PIK3C2G: variants seen among roughly 807,000 people sequenced by gnomAD.
PIK3C2G encodes the protein phosphatidylinositol-4-phosphate 3-kinase catalytic subunit type 2 gamma, also known as phosphatidylinositol 3-kinase C2 domain-containing subunit gamma.
Under a neutral mutation model 181.1 loss-of-function variants are expected in PIK3C2G, and 168 were observed. The observed-to-expected ratio is 0.93, with a 90% CI of 0.82 to 1.05. The LOEUF is 1.05. PIK3C2G is among the 50% of genes least tolerant of loss of function. PIK3C2G has a pLI of 0.00. For synonymous variants in PIK3C2G, 573 were observed against 592.2 expected (o/e 0.97, Z 0.47); for missense variants, 1,869 against 1,732.8 (o/e 1.08, Z -1.40).
intron 11 of PIK3C2G, among the ~76,000 whole-genome samples, chr12:18,349,668 A>G (rs1394814581): frequency 1.3e-5 from 2 of 152,120 alleles, no homozygotes; most frequent in East Asian, 3.9e-4. Context: ...TATCCTCTCT[A>G]TAGATTGAAA....
chr12:18,559,875 C>T (rs2136323849), intron 26 of PIK3C2G, among the ~76,000 whole-genome samples: 1 of 119,972 alleles, frequency 8.3e-6, no homozygotes, highest in Middle Eastern at 5.1e-3. Flanking sequence ...GACAGTTTTG[C>T]TCTTGTTGCC....
At chr12:18,694,868 TATA>T in the PIK3C2G span, 1 of 1,447,314 alleles carries the variant, frequency 6.9e-7, no homozygotes, top group South Asian at 1.2e-5. Flanking sequence ...ATCTAGTTTA[TATA>T]ATAACCAAAA....
At chr12:18,699,307 T>C in the PIK3C2G span, among the ~76,000 whole-genome samples, 2 of 152,186 alleles carry the variant, frequency 1.3e-5, no homozygotes, top group Non-Finnish European at 2.9e-5. Context: ...TCATCCTGTC[T>C]CCACTCTCAC....
chr12:18,671,638 A>C, the PIK3C2G span, among the ~76,000 whole-genome samples: 11 of 152,192 alleles, frequency 7.2e-5, no homozygotes, highest in Non-Finnish European at 1.5e-4. Context: ...AGTGGCTACT[A>C]TATTGGATAT....
chr12:18,287,427 C>T (rs914696931), intron 3 of PIK3C2G, among the ~76,000 whole-genome samples: 1 of 152,134 alleles, frequency 6.6e-6, no homozygotes, highest in African/African-American at 2.4e-5. Context: ...AAAAAAATCA[C>T]TGATATTTTG....
At chr12:18,340,282 G>C (rs1467748190) in intron 9 of PIK3C2G, among the ~76,000 whole-genome samples, 1 of 149,916 alleles carries the variant, frequency 6.7e-6, no homozygotes, top group African/African-American at 2.5e-5. Context: ...ATAGCTGATA[G>C]GCTAAAAAAA....
chr12:18,535,263 G>GT (rs1294488060), intron 24 of PIK3C2G, among the ~76,000 whole-genome samples: 1 of 151,850 alleles, frequency 6.6e-6, no homozygotes, highest in Non-Finnish European at 1.5e-5. Flanking sequence ...TAATTCTGAG[G>GT]TTTAAAAAAA....
At chr12:18,659,560 C>A in the PIK3C2G span, among the ~76,000 whole-genome samples, 1 of 151,806 alleles carries the variant, frequency 6.6e-6, no homozygotes, top group Non-Finnish European at 1.5e-5. Context: ...TCAATTGTCT[C>A]AATAATGTAT....
intron 18 of PIK3C2G, among the ~76,000 whole-genome samples, chr12:18,434,302 G>A (rs776366675): frequency 1.3e-5 from 2 of 152,134 alleles, no homozygotes; most frequent in Non-Finnish European, 2.9e-5. Context: ...TGTCAATACT[G>A]TTGCAATGGG....
chr12:18,365,980 A>G (rs575269495), intron 12 of PIK3C2G, among the ~76,000 whole-genome samples: 432 of 152,262 alleles, frequency 2.8e-3, no homozygotes, highest in Non-Finnish European at 5.0e-3. Flanking sequence ...ATATGTTCTC[A>G]TCACCTTCAA....
chr12:18,681,176 C>T, the PIK3C2G span, among the ~76,000 whole-genome samples: 3 of 151,940 alleles, frequency 2.0e-5, no homozygotes, highest in Non-Finnish European at 4.4e-5. Context: ...ACGGCAGCTC[C>T]TAGCAACACT....
At chr12:18,503,088 T>C (rs1052581899) in intron 22 of PIK3C2G, among the ~76,000 whole-genome samples, 193 bp from the exon 23 acceptor site, 8 of 152,126 alleles carry the variant, frequency 5.3e-5, no homozygotes, top group Admixed American at 3.9e-4. Context: ...CAAACACAAG[T>C]AGCCTCATTG....
the PIK3C2G span, among the ~76,000 whole-genome samples, chr12:18,718,158 T>G: frequency 6.6e-6 from 1 of 152,182 alleles, no homozygotes; most frequent in African/African-American, 2.4e-5. Context: ...ATATACTAAA[T>G]GCATTTTCAA....
chr12:18,252,619 G>C (rs1341127994), intron 1 of PIK3C2G, among the ~76,000 whole-genome samples: 1 of 152,144 alleles, frequency 6.6e-6, no homozygotes, highest in East Asian at 1.9e-4. Flanking sequence ...AAGGACAAAA[G>C]GATATGTATA....
intron 24 of PIK3C2G, among the ~76,000 whole-genome samples, chr12:18,520,407 T>C (rs532077808): frequency 3.6e-4 from 55 of 152,270 alleles, no homozygotes; most frequent in Admixed American, 3.5e-3. Context: ...TTGGAGGTTT[T>C]GTTCATTCCT....
intron 30 of PIK3C2G, among the ~76,000 whole-genome samples, chr12:18,598,897 A>C (rs2136523411): frequency 6.6e-6 from 1 of 152,074 alleles, no homozygotes. Context: ...ACATGAGAAA[A>C]TGCTCACCAT....
chr12:18,581,046 C>G (rs1470796457), intron 29 of PIK3C2G, among the ~76,000 whole-genome samples: 1 of 152,102 alleles, frequency 6.6e-6, no homozygotes, highest in Non-Finnish European at 1.5e-5. Flanking sequence ...TCTTTGATAA[C>G]AAGAATATGT....
chr12:18,447,412 T>C (rs1207563310), intron 18 of PIK3C2G, among the ~76,000 whole-genome samples: 1 of 152,244 alleles, frequency 6.6e-6, no homozygotes, highest in African/African-American at 2.4e-5. Context: ...AGAATGATTT[T>C]TGCATTTTCT....
At chr12:18,482,147 C>T (rs1411683742) in intron 18 of PIK3C2G, among the ~76,000 whole-genome samples, 1 of 121,850 alleles carries the variant, frequency 8.2e-6, no homozygotes, top group African/African-American at 3.1e-5. Flanking sequence ...ACCTCACCCA[C>T]CCCATCCACC....
Sources: gnomAD v4.1 joint callset for allele counts (sites outside exome capture counted in the v4.1 genomes callset) on GRCh38, gnomAD v4.1.1 for gene constraint, MANE v1.5 for transcripts, NCBI Gene and HGNC (gene_info 2026-07-23, HGNC 2026-07-21) for gene names.